The following MGST1 variants were observed in gnomAD, a reference collection of about 807,000 sequenced individuals.
MGST1 encodes glutathione S-transferase 12.
A neutral mutation model predicts 8.9 loss-of-function variants in MGST1; 5 were observed. The observed-to-expected ratio is 0.56, with a 90% CI of 0.29 to 1.19. The LOEUF is 1.19. Ranked by LOEUF, MGST1 falls within the 50% of genes most tolerant of loss-of-function variation. The probability of loss-of-function intolerance (pLI) is 0.08; values close to 1 mark genes in which losing one functional copy is unlikely to be tolerated. For missense variants in MGST1, 182 were observed against 187.4 expected (o/e 0.97, Z 0.17); for synonymous variants, 54 against 67.8 (o/e 0.80, Z 1.00).
chr12:16,509,287 A>G (rs1206697779), intron 4 of MGST1, among the ~76,000 whole-genome samples: 1 of 152,116 alleles, frequency 6.6e-6, no homozygotes, highest in African/African-American at 2.4e-5. Context: ...TGCTATGAAT[A>G]TACAAACAAT....
At chr12:16,395,886 A>G (rs951775518) in intron 1 of MGST1, among the ~76,000 whole-genome samples, 6 of 150,586 alleles carry the variant, frequency 4.0e-5, no homozygotes, top group African/African-American at 1.5e-4. Flanking sequence ...ATATTTTTGG[A>G]CTTGAGAATT....
intron 1 of MGST1, among the ~76,000 whole-genome samples, chr12:16,416,118 A>G (rs191769002): frequency 1.6e-4 from 25 of 152,258 alleles, no homozygotes; most frequent in East Asian, 1.4e-3. Context: ...TAAATATTCA[A>G]TGTGAGAATA....
At chr12:16,532,384 G>A (rs940900536) in intron 4 of MGST1, among the ~76,000 whole-genome samples, 1 of 151,978 alleles carries the variant, frequency 6.6e-6, no homozygotes, top group African/African-American at 2.4e-5. Context: ...TGGTTGCTGG[G>A]AGTTAAAAAA....
chr12:16,523,044 T>C (rs2137191983), intron 4 of MGST1, among the ~76,000 whole-genome samples: 1 of 152,066 alleles, frequency 6.6e-6, no homozygotes, highest in East Asian at 1.9e-4. Flanking sequence ...GAAAGACATA[T>C]GACATATTTG....
At chr12:16,444,886 A>G (rs1046185943) in intron 4 of MGST1, among the ~76,000 whole-genome samples, 6 of 151,988 alleles carry the variant, frequency 3.9e-5, no homozygotes, top group Middle Eastern at 6.8e-3. Flanking sequence ...CATGGGTCCA[A>G]GTGGCATATG....
At chr12:16,416,016 A>G (rs1650927179) in intron 1 of MGST1, among the ~76,000 whole-genome samples, 1 of 152,226 alleles carries the variant, frequency 6.6e-6, no homozygotes, top group Admixed American at 6.5e-5. Flanking sequence ...TACATTTAGT[A>G]GTCCTTTTCA....
chr12:16,578,297 T>C (rs1336409030), intron 4 of MGST1, among the ~76,000 whole-genome samples: 1 of 152,156 alleles, frequency 6.6e-6, no homozygotes, highest in Non-Finnish European at 1.5e-5. Flanking sequence ...CTACTCAAGT[T>C]TGAGAACAAT....
At chr12:16,408,247 C>CA (rs1317991904) in intron 1 of MGST1, among the ~76,000 whole-genome samples, 3 of 151,562 alleles carry the variant, frequency 2.0e-5, no homozygotes, top group Non-Finnish European at 4.4e-5. Context: ...GGGAGAGAAG[C>CA]AAAAAAACAA....
chr12:16,465,123 G>A (rs1366729523), intron 4 of MGST1, among the ~76,000 whole-genome samples: 1 of 152,286 alleles, frequency 6.6e-6, no homozygotes, highest in East Asian at 1.9e-4. Flanking sequence ...ACTTAAATTT[G>A]AGTAATGGCA....
downstream of MGST1, among the ~76,000 whole-genome samples, chr12:16,366,628 TAC>T (rs374809283): frequency 0.011 from 955 of 83,858 alleles, 4 homozygotes; most frequent in African/African-American, 0.036. This position sits in a 1 kb window ranked among gnomAD's most constrained non-coding sequence, Gnocchi z 4.0. Context: ...TATCTGTGTG[TAC>T]ACACACACAC....
chr12:16,521,883 C>A (rs1212924443), intron 4 of MGST1, among the ~76,000 whole-genome samples: 1 of 152,032 alleles, frequency 6.6e-6, no homozygotes, highest in Non-Finnish European at 1.5e-5. Context: ...GAAAACCATT[C>A]CGAGAACACT....
Position 16,361,576 on chromosome 12 carries a change from C to T in MGST1, c.222-2219C>T, listed in dbSNP as rs1474650595. ...CACTAACGTGAAGGAAGCTGCCGCT[C>T]CAGGAAGGAGTCTGTCGTTGGAGAA... On this transcript the variant is annotated intron_variant, in intron 3 of 3. Coordinates refer to ENST00000396210, the MANE Select transcript of MGST1 (RefSeq NM_020300.5). The surrounding 1 kb of genome is among the most constrained non-coding windows in gnomAD (Gnocchi z 4.2). Among the ~76,000 whole-genome samples the T allele has an allele frequency of 1.3e-5, 2 of 152,104 alleles. No individual in the cohort carries two copies. Among genetic ancestry groups the T allele is most frequent in the East Asian group, 3.9e-4 (2 of 5,194 alleles).
chr12:16,513,398 C>T lies in MGST1; in HGVS notation n.483-76130C>T, dbSNP rs1187642698. 3.1e-5 allele frequency: 12 copies of T among 382,962 alleles called. No homozygotes were observed. The East Asian group carries it at 5.6e-4, about 18-fold the overall frequency. 23.7% of individuals were successfully genotyped at this position (382,962 alleles called of 1,614,324 possible). A position where few individuals can be genotyped will look rare whatever the true frequency, so the allele number is the denominator to read the frequency against. On this transcript the variant is annotated intron_variant and non_coding_transcript_variant, in intron 4 of 4. Coordinates refer to the MGST1 transcript ENST00000538857. This position sits in a 1 kb window ranked among gnomAD's most constrained non-coding sequence, Gnocchi z 4.2. ...TGCCCTCCTACCGTCCACCATGGCT[C>T]CTCTGCGCTCCAGCTGCGTCGTCTC...
chr12:16,456,492 C>T (rs940722911), intron 4 of MGST1, among the ~76,000 whole-genome samples: 1 of 151,890 alleles, frequency 6.6e-6, no homozygotes, highest in African/African-American at 2.4e-5. Context: ...GCCATACCCT[C>T]TCAGACAATG....
Position 16,401,298 on chromosome 12 carries a change from C to A in MGST1, n.778+17694C>A. On this transcript the variant is annotated intron_variant and non_coding_transcript_variant, in intron 1 of 1. Coordinates refer to the MGST1 transcript ENST00000359720. The surrounding 1 kb of genome is among the most constrained non-coding windows in gnomAD (Gnocchi z 4.3). ...AGAATCCCAAACTGATGCTGAAAACCATTCCTGTCTTCAGTTTGTATTGAT... is the reference window on the plus strand; with the variant it reads ...AGAATCCCAAACTGATGCTGAAAACAATTCCTGTCTTCAGTTTGTATTGAT... 2.0e-6 allele frequency: 3 copies of A among 1,496,028 alleles called. No homozygotes were observed. The Admixed American group carries it at 5.0e-5, about 25-fold the overall frequency. 92.7% of individuals were successfully genotyped at this position (1,496,028 alleles called of 1,614,324 possible). A position where few individuals can be genotyped will look rare whatever the true frequency, so the allele number is the denominator to read the frequency against.
intron 1 of MGST1, among the ~76,000 whole-genome samples, chr12:16,405,859 A>T (rs1239436969): frequency 1.3e-5 from 2 of 152,220 alleles, no homozygotes; most frequent in Non-Finnish European, 2.9e-5. Context: ...ATAAAATTCA[A>T]CATCGCTTCA....
intron 4 of MGST1, among the ~76,000 whole-genome samples, chr12:16,571,462 A>G (rs1442161493): frequency 6.6e-6 from 1 of 152,104 alleles, no homozygotes; most frequent in African/African-American, 2.4e-5. Flanking sequence ...TCTAAACACA[A>G]TCATTTGAAA....
intron 4 of MGST1, among the ~76,000 whole-genome samples, chr12:16,561,314 A>G (rs1942397684): frequency 6.6e-6 from 1 of 152,222 alleles, no homozygotes; most frequent in Non-Finnish European, 1.5e-5. Context: ...CACTGGCAAT[A>G]TTTAAACCAA....
chr12:16,531,781 G>T (rs1036514180), intron 4 of MGST1, among the ~76,000 whole-genome samples: 1 of 152,162 alleles, frequency 6.6e-6, no homozygotes, highest in South Asian at 2.1e-4. Context: ...TCTTTGTGCG[G>T]TATTGTTTCT....
Sources: gnomAD v4.1 joint callset for allele counts (sites outside exome capture counted in the v4.1 genomes callset) on GRCh38, gnomAD v4.1.1 for gene constraint, Gnocchi (gnomAD v3.1) non-coding constraint, MANE v1.5 for transcripts, NCBI Gene and HGNC (gene_info 2026-07-23, HGNC 2026-07-21) for gene names.